KASH5: variants seen among roughly 807,000 people sequenced by gnomAD.
KASH5 encodes the protein protein KASH5.
Under a neutral mutation model 84.2 loss-of-function variants are expected in KASH5, and 72 were observed. The observed-to-expected ratio is 0.85, with a 90% CI of 0.71 to 1.04. The LOEUF is 1.04. Ranked by LOEUF, KASH5 falls within the 50% of genes least tolerant of loss-of-function variation. KASH5 has a pLI of 0.00. For synonymous variants in KASH5, 260 were observed against 279.1 expected (o/e 0.93, Z 0.68); for missense variants, 650 against 701.0 (o/e 0.93, Z 0.82).
chr19:49,413,304 T>G (rs1380314176), intron 16 of KASH5, among the ~76,000 whole-genome samples: 1 of 152,154 alleles, frequency 6.6e-6, no homozygotes, highest in Non-Finnish European at 1.5e-5. Flanking sequence ...GGAATCAGCG[T>G]GGATTCAGAT....
In KASH5 at chr19:49,415,092, C is replaced by G. The variant is rs765747233; in HGVS notation, c.1374+96C>G. The G allele has an allele frequency of 8.3e-5, 98 of 1,174,498 alleles. 2 individuals carry two copies. The highest frequency in any genetic ancestry group is 1.9e-4 in the Middle Eastern group (1 of 5,236). 72.8% of individuals were successfully genotyped at this position (1,174,498 alleles called of 1,614,324 possible). ...TCTTCCCAAGCCCCAGCCTCACACT[C>G]CAACTCCTCAGGAGCAGAGAGAAAA... On this transcript the variant is annotated intron_variant, in intron 17 of 19. Coordinates refer to ENST00000447857, the MANE Select transcript of KASH5 (RefSeq NM_144688.5).
chr19:49,399,256 C>T lies in KASH5; in HGVS notation c.747+114C>T, dbSNP rs1159484666. ...GGGCAGAGGTCACCTGGCTTTCTCC[C>T]TCTCTCCAGGCCCTGCTCACCCTAG... On this transcript the variant is annotated intron_variant, in intron 8 of 19. Transcript: ENST00000447857. This position sits in a 1 kb window ranked among gnomAD's most constrained non-coding sequence, Gnocchi z 4.4. The T allele has an allele frequency of 1.0e-6, 1 of 994,866 alleles. No individual in the cohort carries two copies. The highest frequency in any genetic ancestry group is 1.5e-6 in the Non-Finnish European group (1 of 676,510). The allele number at this position is 994,866 out of a possible 1,614,324, so 61.6% of individuals were successfully genotyped here.
intron 17 of KASH5, chr19:49,415,290 C>A: frequency 2.0e-6 from 1 of 501,440 alleles, no homozygotes; most frequent in South Asian, 2.1e-5. Flanking sequence ...GGCTACACCC[C>A]CGGATTGCAT....
rs139882972 is a variant in KASH5 at position 49,417,408 on chromosome 19, C to CCTGCTGCTG, written c.1599_1607dup (p.Leu534_Leu536dup). ...CACTGATCCCAGCTCCTGTCCTGGG[C>CCTGCTGCTG]CTGCTGCTGCTGCTGCTGCTCTCTG... On this transcript the variant is annotated inframe_insertion, in exon 20 of 20. Coordinates refer to ENST00000447857, the MANE Select transcript of KASH5 (RefSeq NM_144688.5). This position sits in a 1 kb window ranked among gnomAD's most constrained non-coding sequence, Gnocchi z 5.2. 1 of 1,553,846 alleles carries CCTGCTGCTG rather than the reference C, an allele frequency of 6.4e-7. No individual in the cohort carries two copies. The highest frequency in any genetic ancestry group is 2.4e-5 in the East Asian group (1 of 41,068).
At position 49,407,621 on chromosome 19, in the gene KASH5, G is replaced by A. The variant is rs375917116; in HGVS notation, c.943G>A (p.Asp315Asn). ...CTTTCGGCTTTCCTAGCGCACTCGC[G>A]ATGTGGAGAGCCTGGCCCAGACCCT... ...RDTILSERTR[D>N]VESLAQTLEE... Residue 315 changes from aspartate (D) to asparagine (N), a missense_variant, in exon 12 of 20, where the codon GAT (aspartate) becomes AAT (asparagine). Transcript: ENST00000447857. 9.4e-6 allele frequency: 15 copies of A among 1,598,364 alleles called. No homozygotes were observed. The highest frequency in any genetic ancestry group is 4.5e-5 in the South Asian group (4 of 88,134).
chr19:49,397,536 T>C (rs1323688872), intron 5 of KASH5, 115 bp from the exon 6 acceptor site: 8 of 882,244 alleles, frequency 9.1e-6, no homozygotes, highest in Non-Finnish European at 1.5e-5. Context: ...GCCCATGAGA[T>C]TCTCCAGAGC....
intron 6 of KASH5, 33 bp from the exon 7 acceptor site, chr19:49,397,949 G>A: frequency 6.2e-7 from 1 of 1,608,500 alleles, no homozygotes; most frequent in Non-Finnish European, 8.5e-7. Flanking sequence ...CAGGGGCTGT[G>A]GACAGTGACC....
chr19:49,410,921 CTT>C (rs1014279829), intron 15 of KASH5, among the ~76,000 whole-genome samples: 1 of 143,916 alleles, frequency 6.9e-6, no homozygotes, highest in African/African-American at 2.5e-5. Context: ...CTGCACCTGG[CTT>C]TTTTTTTTTT....
rs1362527317 is a variant in KASH5, at chr19:49,389,168, GAAT to G, written c.-96+844_-96+846del. Among the ~76,000 whole-genome samples, 4 of 100,082 alleles carry G rather than the reference GAAT, an allele frequency of 4.0e-5. No individual in the cohort carries two copies. In the Admixed American group the frequency reaches 5.0e-4, roughly 12 times the overall value. 65.7% of individuals were successfully genotyped at this position (100,082 alleles called of 152,430 possible). On this transcript the variant is annotated intron_variant, in intron 1 of 19. Transcript: ENST00000447857. ...AAGACCCCCAAAATCCAGAGACCCC[GAAT>G]AAATCAAGACCCCCAAAATCCAGTC...
rs1600936099 is a variant in KASH5, at chr19:49,407,509, GCT to G, written c.934-101_934-100del. On this transcript the variant is annotated intron_variant, in intron 11 of 19. Transcript: ENST00000447857. ...CCTTGTGCCCCAGCTCTTCCCTCAAGCTCACCCTGTCCCTTAACCCCCCAGCC... is the reference window on the plus strand; with the variant it reads ...CCTTGTGCCCCAGCTCTTCCCTCAAGCACCCTGTCCCTTAACCCCCCAGCC... 4 of 1,312,648 alleles carry G rather than the reference GCT, an allele frequency of 3.0e-6. No homozygotes were observed. The East Asian group carries it at 1.0e-4, about 33-fold the overall frequency. 81.3% of individuals were successfully genotyped at this position (1,312,648 alleles called of 1,614,324 possible). A position where few individuals can be genotyped will look rare whatever the true frequency, so the allele number is the denominator to read the frequency against.
At chr19:49,407,371 G>A in intron 11 of KASH5, 75 bp downstream of exon 11, 1 of 1,514,026 alleles carries the variant, frequency 6.6e-7, no homozygotes, top group East Asian at 2.3e-5. Flanking sequence ...TCTAGAAAGG[G>A]AAGTCCTACT....
intron 15 of KASH5, among the ~76,000 whole-genome samples, chr19:49,410,599 C>T (rs1974679981): frequency 6.6e-6 from 1 of 152,092 alleles, no homozygotes; most frequent in African/African-American, 2.4e-5. Context: ...TTCTCCCTGC[C>T]TCAGCCTCCC....
At chr19:49,405,685 G>A (rs1039729463) in intron 9 of KASH5, among the ~76,000 whole-genome samples, 3 of 151,290 alleles carry the variant, frequency 2.0e-5, no homozygotes, top group Admixed American at 6.6e-5. Flanking sequence ...AGCCGGGTGC[G>A]GTGGCTCACA....
At chr19:49,403,963 C>T (rs1019422009) in intron 9 of KASH5, among the ~76,000 whole-genome samples, 1 of 152,224 alleles carries the variant, frequency 6.6e-6, no homozygotes, top group Non-Finnish European at 1.5e-5. Flanking sequence ...CACTGAAGAT[C>T]CAGGCAGCCT....
intron 2 of KASH5, chr19:49,393,322 G>A (rs1442932128): frequency 6.6e-6 from 1 of 152,270 alleles, no homozygotes; most frequent in Non-Finnish European, 1.5e-5. Context: ...AGCCTTTCTA[G>A]ATTGTATCTC....
chr19:49,406,697 G>A (rs1974537337), intron 9 of KASH5, among the ~76,000 whole-genome samples, 189 bp from the exon 10 acceptor site: 1 of 152,090 alleles, frequency 6.6e-6, no homozygotes, highest in Non-Finnish European at 1.5e-5. Flanking sequence ...TATAGATGGG[G>A]GAGCCACACT....
At chr19:49,407,888 G>T (rs1368550251) in intron 12 of KASH5, among the ~76,000 whole-genome samples, 2 of 151,818 alleles carry the variant, frequency 1.3e-5, no homozygotes, top group Non-Finnish European at 2.9e-5. Flanking sequence ...TTCATTCTCT[G>T]TGGGTGTCTT....
Position 49,399,066 on chromosome 19 carries a change from A to T in KASH5, c.671A>T (p.Glu224Val). Residue 224 changes from glutamate (E) to valine (V), a missense_variant, in exon 8 of 20, where the codon GAG becomes GTG. Physicochemically the swap from Glu to Val is moderately radical, Grantham distance 121. Transcript: ENST00000447857. The surrounding 1 kb of genome is among the most constrained non-coding windows in gnomAD (Gnocchi z 4.4). Reference protein sequence around the residue: ...ALQFAKAMDEELEDLKTLARS... With the variant: ...ALQFAKAMDEVLEDLKTLARS... ...CAGTTTGCCAAGGCCATGGATGAGGAGCTGGAGGACCTGAAGACTCTGGCC... is the reference window on the plus strand; with the variant it reads ...CAGTTTGCCAAGGCCATGGATGAGGTGCTGGAGGACCTGAAGACTCTGGCC... 2 of 1,551,604 alleles carry T rather than the reference A, an allele frequency of 1.3e-6. No homozygotes were observed. Among genetic ancestry groups the T allele is most frequent in the Non-Finnish European group, 1.7e-6 (2 of 1,146,972 alleles).
At chr19:49,402,263 A>G (rs999869429) in intron 9 of KASH5, among the ~76,000 whole-genome samples, 4 of 150,972 alleles carry the variant, frequency 2.6e-5, no homozygotes, top group African/African-American at 9.8e-5. Context: ...GAAAAGAAAA[A>G]CTTTCCGGCT....
Sources: allele counts gnomAD v4.1 joint callset (sites outside exome capture counted in the v4.1 genomes callset), GRCh38; gene constraint gnomAD v4.1.1; non-coding constraint Gnocchi (gnomAD v3.1); transcripts MANE v1.5; gene names NCBI Gene and HGNC (gene_info 2026-07-23, HGNC 2026-07-21).